Variants in SLC22A7 observed in about 807,000 individuals in gnomAD.
SLC22A7 encodes the protein hOAT2.
A neutral mutation model predicts 62.2 loss-of-function variants in SLC22A7; 48 were observed. The ratio of observed to expected loss-of-function variants is 0.77; its 90% CI spans 0.61 to 0.98. SLC22A7 has a LOEUF of 0.98. Ranked by LOEUF, SLC22A7 falls within the 50% of genes least tolerant of loss-of-function variation. The probability of loss-of-function intolerance (pLI) is 0.00; values close to 1 mark genes in which losing one functional copy is unlikely to be tolerated. For synonymous variants in SLC22A7, 276 were observed against 314.8 expected, an observed-to-expected ratio of 0.88 and a Z score of 1.30; for missense variants, 581 against 703.8, an observed-to-expected ratio of 0.83 and a Z score of 1.97.
intron 9 of SLC22A7, 124 bp from the exon 10 acceptor site, chr6:43,303,914 T>G: frequency 1.3e-6 from 1 of 786,842 alleles, no homozygotes; most frequent in Non-Finnish European, 1.9e-6. Context: ...AAGTCCTAGT[T>G]TTCTTAGCTA....
chr6:43,300,060 G>T lies in SLC22A7; in HGVS notation c.821G>T (p.Ser274Ile). ...CTGCCTTGTGCCCCAGGCATCCTCA[G>T]CCTCTGGTGAGGACTGCAGGCAGCT... ...VTLPCAPGIL[S>I]LWWVPESARW... Residue 274 changes from serine (S) to isoleucine (I), a missense_variant, in exon 5 of 11, where the codon AGC (serine) becomes ATC (isoleucine). Physicochemically the swap from Ser to Ile is moderately radical, Grantham distance 142. Coordinates refer to ENST00000372585, the MANE Select transcript of SLC22A7 (RefSeq NM_153320.2). The T allele has an allele frequency of 6.2e-7, 1 of 1,613,974 alleles. No homozygotes were observed. The highest frequency in any genetic ancestry group is 8.5e-7 in the Non-Finnish European group (1 of 1,179,984).
rs373825756 is a variant in SLC22A7, at chr6:43,301,699, A to T, written c.1061+7A>T. 7.8e-5 allele frequency: 125 copies of T among 1,598,138 alleles called. No individual in the cohort carries two copies. Among genetic ancestry groups the T allele is most frequent in the Non-Finnish European group, 1.0e-4 (121 of 1,168,674 alleles). ...TGTGCTGCGTGGTGGTGTGGTGAGG[A>T]GGCTGGCTTGGGTCTGGCATGGGTG... On this transcript the variant is annotated splice_region_variant and intron_variant, in intron 7 of 10. Transcript: ENST00000372585.
intron 10 of SLC22A7, 97 bp downstream of exon 10, chr6:43,304,341 T>A: frequency 9.4e-7 from 1 of 1,066,106 alleles, no homozygotes; most frequent in Non-Finnish European, 1.3e-6. Context: ...CAGGAAACTA[T>A]ATCTGCACAT....
At position 43,302,159 on chromosome 6, in the gene SLC22A7, G is replaced by A. The variant is rs918252187; in HGVS notation, c.1062-41G>A. ...CTGAGAAGAGAGGCCAAAGAGGGAT[G>A]GGAAGGAGGGTCCGCCAAGTGGCAC... On this transcript the variant is annotated intron_variant, in intron 7 of 10. Coordinates refer to ENST00000372585, the MANE Select transcript of SLC22A7 (RefSeq NM_153320.2). The surrounding 1 kb of genome is among the most constrained non-coding windows in gnomAD (Gnocchi z 5.0). 15 of 1,501,642 alleles carry A rather than the reference G, an allele frequency of 1.0e-5. No homozygotes were observed. The Admixed American group carries it at 1.8e-4, about 18-fold the overall frequency. The allele number at this position is 1,501,642 out of a possible 1,614,324, so 93.0% of individuals were successfully genotyped here.
In SLC22A7 at chr6:43,298,599, C is replaced by T; in HGVS notation, c.241C>T (p.Leu81Phe). ...GCCTGATGGCACGCTCAGCTCCTGCCTCCGCTTTGCCTATCCCCAGGCTCT... is the reference window on the plus strand; with the variant it reads ...GCCTGATGGCACGCTCAGCTCCTGCTTCCGCTTTGCCTATCCCCAGGCTCT... ...REPDGTLSSC[L>F]RFAYPQALPN... is the part of the protein sequence containing the mutation. Residue 81 changes from leucine (L) to phenylalanine (F), a missense_variant, in exon 1 of 11, where the codon CTC (leucine) becomes TTC (phenylalanine). Leu to Phe is a conservative substitution (Grantham distance 22). Transcript: ENST00000372585. 1 of 1,611,132 alleles carries T rather than the reference C, an allele frequency of 6.2e-7. No homozygotes were observed. Among genetic ancestry groups the T allele is most frequent in the Non-Finnish European group, 8.5e-7 (1 of 1,178,154 alleles).
In SLC22A7 at chr6:43,304,259, CTG is replaced by C. The variant is rs1778863474; in HGVS notation, c.1592+19_1592+20del. 1 of 1,506,470 alleles carries C rather than the reference CTG, an allele frequency of 6.6e-7. No individual in the cohort carries two copies. Among genetic ancestry groups the C allele is most frequent in the Non-Finnish European group, 8.9e-7 (1 of 1,124,134 alleles). 93.3% of individuals were successfully genotyped at this position (1,506,470 alleles called of 1,614,324 possible). ...GAGAGAAAGAGGTGTGTGCACAGGA[CTG>C]TGTCTGTGTACGTGTGATAACATGC... On this transcript the variant is annotated intron_variant, in intron 10 of 10. Transcript: ENST00000372585.
chr6:43,298,809 G>A (rs1778629288), intron 1 of SLC22A7, 58 bp downstream of exon 1: 2 of 1,513,842 alleles, frequency 1.3e-6, no homozygotes, highest in Non-Finnish European at 1.8e-6. Context: ...CATTGCCTTG[G>A]GTGGTTACTG....
At chr6:43,301,040 G>C in intron 5 of SLC22A7, 95 bp from the exon 6 acceptor site, 1 of 1,513,770 alleles carries the variant, frequency 6.6e-7, no homozygotes, top group Non-Finnish European at 9.1e-7. Flanking sequence ...GACTACATGA[G>C]CAAGAGCCTG....
chr6:43,304,663 C>T lies in SLC22A7; in HGVS notation c.1593-8C>T. The T allele has an allele frequency of 6.2e-7, 1 of 1,603,864 alleles. No individual in the cohort carries two copies. Among genetic ancestry groups the T allele is most frequent in the Non-Finnish European group, 8.5e-7 (1 of 1,173,190 alleles). On this transcript the variant is annotated splice_region_variant and splice_polypyrimidine_tract_variant and intron_variant, in intron 10 of 10. Transcript: ENST00000372585. Reference sequence around the variant, plus strand: ...CCCCACCATTGCTCACAACTCCTTCCTCCCTAGTGCCCCAACCAGTCTTCA... The same window carrying T: ...CCCCACCATTGCTCACAACTCCTTCTTCCCTAGTGCCCCAACCAGTCTTCA...
chr6:43,304,773 G>A lies in SLC22A7; in HGVS notation c.*48G>A, dbSNP rs774171863. 2.1e-6 allele frequency: 3 copies of A among 1,457,132 alleles called. No individual in the cohort carries two copies. Among genetic ancestry groups the A allele is most frequent in the Admixed American group, 4.3e-5 (2 of 46,980 alleles). The allele number at this position is 1,457,132 out of a possible 1,614,324, so 90.3% of individuals were successfully genotyped here. ...CACAGAAGCTCTGCAGCAGGGGCTG[G>A]GAGAGCAGAAGGGCAGGCCCTGCAA... On this transcript the variant is annotated 3_prime_UTR_variant, in exon 11 of 11. Transcript: ENST00000372585.
At chr6:43,298,947 T>C (rs1562111871) in intron 1 of SLC22A7, 145 bp from the exon 2 acceptor site, 1 of 1,115,732 alleles carries the variant, frequency 9.0e-7, no homozygotes, top group African/African-American at 1.6e-5. Flanking sequence ...AGAACTGTTA[T>C]CATCATCATT....
At chr6:43,301,945 A>C (rs550679651) in intron 7 of SLC22A7, among the ~76,000 whole-genome samples, 2 of 152,332 alleles carry the variant, frequency 1.3e-5, no homozygotes, top group South Asian at 4.1e-4. Flanking sequence ...TCAGAGCCCC[A>C]GTGTCCCTTC....
At position 43,304,178 on chromosome 6, in the gene SLC22A7, C is replaced by T; in HGVS notation, c.1526C>T (p.Ala509Val). ...ATCGCCCTGCTGGCTGCCGGCACCG[C>T]CCTCCTGCTGCCAGAGACGAGGCAG... ...GGIALLAAGT[A>V]LLLPETRQAQ... The change falls in exon 10 of 11, where the codon GCC (alanine) becomes GTC (valine). Residue 509 changes from alanine to valine, a missense_variant. Coordinates refer to ENST00000372585, the MANE Select transcript of SLC22A7 (RefSeq NM_153320.2). 7 of 1,600,076 alleles carry T rather than the reference C, an allele frequency of 4.4e-6. No individual in the cohort carries two copies. The highest frequency in any genetic ancestry group is 6.0e-6 in the Non-Finnish European group (7 of 1,171,892).
Position 43,304,163 on chromosome 6 carries a change from T to C in SLC22A7, c.1511T>C (p.Leu504Pro), listed in dbSNP as rs975462517. The change falls in exon 10 of 11, where the codon CTG becomes CCG. Residue 504 changes from leucine to proline, a missense_variant. By Grantham distance (98) the Leu-to-Pro change is moderately conservative (BLOSUM62 -3). Coordinates refer to ENST00000372585, the MANE Select transcript of SLC22A7 (RefSeq NM_153320.2). Reference sequence around the variant, plus strand: ...CTTACTTATGGGGGGATCGCCCTGCTGGCTGCCGGCACCGCCCTCCTGCTG... The same window carrying C: ...CTTACTTATGGGGGGATCGCCCTGCCGGCTGCCGGCACCGCCCTCCTGCTG... Reference protein sequence around the residue: ...PKLTYGGIALLAAGTALLLPE... With the variant: ...PKLTYGGIALPAAGTALLLPE... The C allele has an allele frequency of 3.1e-6, 5 of 1,604,346 alleles. No homozygotes were observed. The highest frequency in any genetic ancestry group is 4.3e-6 in the Non-Finnish European group (5 of 1,174,052).
In SLC22A7 at chr6:43,304,046, G is replaced by A. The variant is rs1266938799; in HGVS notation, c.1394G>A (p.Gly465Glu). 1 of 1,557,314 alleles carries A rather than the reference G, an allele frequency of 6.4e-7. No individual in the cohort carries two copies. Among genetic ancestry groups the A allele is most frequent in the South Asian group, 1.2e-5 (1 of 82,514 alleles). ...ELYPTVLRQTGMGLTALVGRL... is the reference protein window; with the variant it reads ...ELYPTVLRQTEMGLTALVGRL... ...CCTCTTTCTCTGAACAGACAGACAG[G>A]GATGGGGCTGACTGCACTGGTGGGC... The change falls in exon 10 of 11, where the codon GGG becomes GAG. Residue 465 changes from glycine (G) to glutamate (E), a missense_variant. By Grantham distance (98) the Gly-to-Glu change is moderately conservative. Coordinates refer to ENST00000372585, the MANE Select transcript of SLC22A7 (RefSeq NM_153320.2).
chr6:43,302,130 C>T lies in SLC22A7; in HGVS notation c.1062-70C>T. ...AGATTGCCCTTGTAAAATGCCAAGT[C>T]TTCCTGAGAAGAGAGGCCAAAGAGG... is the stretch of plus-strand genomic sequence containing the variant. On this transcript the variant is annotated intron_variant, in intron 7 of 10. Coordinates refer to ENST00000372585, the MANE Select transcript of SLC22A7 (RefSeq NM_153320.2). This position sits in a 1 kb window ranked among gnomAD's most constrained non-coding sequence, Gnocchi z 5.0. The T allele has an allele frequency of 7.2e-7, 1 of 1,383,698 alleles. No homozygotes were observed. Among genetic ancestry groups the T allele is most frequent in the Non-Finnish European group, 9.9e-7 (1 of 1,010,162 alleles). 85.7% of individuals were successfully genotyped at this position (1,383,698 alleles called of 1,614,324 possible).
At chr6:43,304,638 C>T in intron 10 of SLC22A7, 33 bp from the exon 11 acceptor site, 1 of 1,596,142 alleles carries the variant, frequency 6.3e-7, no homozygotes, top group African/African-American at 1.3e-5. Flanking sequence ...GGGGATTAAA[C>T]CCCACCATTG....
chr6:43,299,628 T>G lies in SLC22A7; in HGVS notation c.505T>G (p.Phe169Val). ...AVAFGYLSDRFGRRRLLLVAY... is the reference protein window; with the variant it reads ...AVAFGYLSDRVGRRRLLLVAY... The stretch of plus-strand genomic sequence containing the variant: ...TGACCCTGCATGACCCCTTTGCAGG[T>G]TTGGGCGGCGGCGTCTGCTGCTGGT... Residue 169 changes from phenylalanine (F) to valine (V), a missense_variant and splice_region_variant, in exon 4 of 11, where the codon TTT (phenylalanine) becomes GTT (valine). Transcript: ENST00000372585. The surrounding 1 kb of genome is among the most constrained non-coding windows in gnomAD (Gnocchi z 4.4). 6.2e-7 allele frequency: 1 copy of G among 1,614,076 alleles called. No homozygotes were observed. The highest frequency in any genetic ancestry group is 8.5e-7 in the Non-Finnish European group (1 of 1,179,984).
At chr6:43,301,318 C>A (rs1778737437) in intron 6 of SLC22A7, 60 bp downstream of exon 6, 3 of 1,601,742 alleles carry the variant, frequency 1.9e-6, no homozygotes, top group South Asian at 2.2e-5. Flanking sequence ...TGGGCTGTGT[C>A]AAGTGCCTCC....
Sources: gnomAD v4.1 joint callset for allele counts (sites outside exome capture counted in the v4.1 genomes callset) on GRCh38, gnomAD v4.1.1 for gene constraint, Gnocchi (gnomAD v3.1) non-coding constraint, MANE v1.5 for transcripts, NCBI Gene and HGNC (gene_info 2026-07-23, HGNC 2026-07-21) for gene names.